SAMD12: variants seen among roughly 807,000 people sequenced by gnomAD.
SAMD12 encodes sterile alpha motif domain containing 12.
A neutral mutation model predicts 15.0 loss-of-function variants in SAMD12; 9 were observed. The ratio of observed to expected loss-of-function variants is 0.60; its 90% CI spans 0.36 to 1.05. SAMD12 has a LOEUF of 1.05. Ranked by LOEUF, SAMD12 falls within the 50% of genes least tolerant of loss-of-function variation. The pLI is 0.01. For missense variants in SAMD12, 230 were observed against 234.2 expected, an observed-to-expected ratio of 0.98 and a Z score of 0.12; for synonymous variants, 86 against 90.1, an observed-to-expected ratio of 0.96 and a Z score of 0.25.
At chr8:118,356,451 T>G (rs1476915420) in intron 4 of SAMD12, among the ~76,000 whole-genome samples, 1 of 152,142 alleles carries the variant, frequency 6.6e-6, no homozygotes. Flanking sequence ...CAAACCTTCA[T>G]GAGAAGAGAC....
At position 118,540,809 on chromosome 8, in the gene SAMD12, G is replaced by T. The variant is rs532538583; in HGVS notation, c.192+39906C>A. On this transcript the variant is annotated intron_variant, in intron 2 of 3. Transcript: ENST00000314727. Reference sequence around the variant, plus strand: ...GAGCCAAATGATAAGATCAAACAAAGGTAAGTACACTGCTGTGAAATGTCA... The same window carrying T: ...GAGCCAAATGATAAGATCAAACAAATGTAAGTACACTGCTGTGAAATGTCA... Among the ~76,000 whole-genome samples, 3 of 152,234 alleles carry T rather than the reference G, an allele frequency of 2.0e-5. No homozygotes were observed. The East Asian group carries it at 5.8e-4, about 29-fold the overall frequency.
chr8:118,188,734 G>T (rs985996781), downstream of SAMD12, among the ~76,000 whole-genome samples: 1 of 151,952 alleles, frequency 6.6e-6, no homozygotes, highest in African/African-American at 2.4e-5. Context: ...GCAGGAAAAT[G>T]GTCAATTTTT....
chr8:118,272,728 C>T (rs949397816), intron 4 of SAMD12, among the ~76,000 whole-genome samples: 2 of 152,206 alleles, frequency 1.3e-5, no homozygotes, highest in South Asian at 4.1e-4. Context: ...AGTCCCTTTA[C>T]ATAGCAAGAG....
intron 2 of SAMD12, among the ~76,000 whole-genome samples, chr8:118,508,978 T>C (rs1176336060): frequency 2.0e-5 from 3 of 152,204 alleles, no homozygotes; most frequent in Admixed American, 2.0e-4. Flanking sequence ...TAACATTTCA[T>C]ATTCTTAATA....
intron 3 of SAMD12, among the ~76,000 whole-genome samples, chr8:118,384,560 A>G (rs547661230): frequency 6.6e-6 from 1 of 152,310 alleles, no homozygotes; most frequent in Non-Finnish European, 1.5e-5. Flanking sequence ...CAGACATCAG[A>G]GATGACTCAC....
At chr8:118,352,773 A>T (rs370824735) in intron 4 of SAMD12, among the ~76,000 whole-genome samples, 1 of 152,206 alleles carries the variant, frequency 6.6e-6, no homozygotes, top group Non-Finnish European at 1.5e-5. Context: ...CTCGTTTTTA[A>T]TGCACTAAGA....
Position 118,514,482 on chromosome 8 carries a change from T to C in SAMD12, c.192+66233A>G, listed in dbSNP as rs557041452. Among the ~76,000 whole-genome samples the C allele has an allele frequency of 5.9e-5, 9 of 152,326 alleles. No homozygotes were observed. The South Asian group carries it at 1.9e-3, about 32-fold the overall frequency. On this transcript the variant is annotated intron_variant, in intron 2 of 3. Coordinates refer to ENST00000314727, the MANE Select transcript of SAMD12 (RefSeq NM_207506.3). The stretch of plus-strand genomic sequence containing the variant: ...CAGACATTCTCATTCCATTACTCTC[T>C]TCACTGCCACAGGATGAGGAAGGCT...
chr8:118,597,635 C>A (rs1208282372), intron 1 of SAMD12, among the ~76,000 whole-genome samples: 2 of 152,192 alleles, frequency 1.3e-5, no homozygotes, highest in African/African-American at 2.4e-5. Context: ...GTTGGCTCTG[C>A]CAACTGATAC....
intron 2 of SAMD12, among the ~76,000 whole-genome samples, chr8:118,515,062 AG>A (rs990388113): frequency 2.0e-5 from 3 of 152,038 alleles, no homozygotes; most frequent in African/African-American, 7.2e-5. Flanking sequence ...TCTGTCGCCC[AG>A]GCTGCAGTGC....
chr8:118,424,632 T>G (rs563964056), intron 3 of SAMD12, among the ~76,000 whole-genome samples: 1 of 152,244 alleles, frequency 6.6e-6, no homozygotes, highest in African/African-American at 2.4e-5. Flanking sequence ...ACAGGGAACA[T>G]GGGGGATCAA....
chr8:118,254,337 G>A (rs1324790610), intron 4 of SAMD12, among the ~76,000 whole-genome samples: 2 of 152,110 alleles, frequency 1.3e-5, no homozygotes, highest in Non-Finnish European at 2.9e-5. Flanking sequence ...TGGCAGTGAT[G>A]TAACACTTAA....
chr8:118,557,289 C>T (rs1744231929), intron 2 of SAMD12, among the ~76,000 whole-genome samples: 1 of 152,220 alleles, frequency 6.6e-6, no homozygotes, highest in South Asian at 2.1e-4. Flanking sequence ...GTAAGACATG[C>T]CTCTTCCCCG....
At chr8:118,269,552 C>T (rs181031980) in intron 4 of SAMD12, among the ~76,000 whole-genome samples, 12 of 152,192 alleles carry the variant, frequency 7.9e-5, no homozygotes, top group Admixed American at 5.9e-4. Flanking sequence ...TAGAGCATTG[C>T]CTTCTTGATA....
intron 2 of SAMD12, among the ~76,000 whole-genome samples, chr8:118,554,921 T>C (rs888864848): frequency 6.6e-6 from 1 of 152,190 alleles, no homozygotes. Flanking sequence ...TAAATTAGTC[T>C]TTCAATAGAA....
At chr8:118,318,507 A>G (rs1364799227) in intron 4 of SAMD12, among the ~76,000 whole-genome samples, 1 of 151,740 alleles carries the variant, frequency 6.6e-6, no homozygotes, top group Non-Finnish European at 1.5e-5. Flanking sequence ...TGTAAGTGGG[A>G]GCTAAGCTAT....
At chr8:118,553,467 C>A (rs1186057142) in intron 2 of SAMD12, among the ~76,000 whole-genome samples, 1 of 152,206 alleles carries the variant, frequency 6.6e-6, no homozygotes, top group South Asian at 2.1e-4. Flanking sequence ...GCTGGGAAAA[C>A]TTGCTAGCCA....
intron 3 of SAMD12, among the ~76,000 whole-genome samples, chr8:118,417,032 G>C (rs1392222386): frequency 1.3e-5 from 2 of 152,050 alleles, no homozygotes; most frequent in Non-Finnish European, 2.9e-5. Context: ...AAGAAATGTA[G>C]TGAACACATG....
At chr8:118,354,953 A>C (rs1363698057) in intron 4 of SAMD12, among the ~76,000 whole-genome samples, 1 of 152,236 alleles carries the variant, frequency 6.6e-6, no homozygotes, top group African/African-American at 2.4e-5. Flanking sequence ...AGAACATTTA[A>C]AAATACCACT....
intron 4 of SAMD12, among the ~76,000 whole-genome samples, chr8:118,337,122 G>A (rs945654156): frequency 6.6e-6 from 1 of 151,134 alleles, no homozygotes; most frequent in Non-Finnish European, 1.5e-5. Context: ...TAACAAACCT[G>A]CATGTTGTGC....
Sources: gnomAD v4.1 joint callset for allele counts (sites outside exome capture counted in the v4.1 genomes callset) on GRCh38, gnomAD v4.1.1 for gene constraint, MANE v1.5 for transcripts, NCBI Gene and HGNC (gene_info 2026-07-23, HGNC 2026-07-21) for gene names.